Variants in SMCHD1 observed in about 807,000 individuals in gnomAD.
SMCHD1 encodes structural maintenance of chromosomes flexible hinge domain containing 1, also known as structural maintenance of chromosomes flexible hinge domain-containing protein 1.
SMCHD1 carries 78 observed loss-of-function variants against 254.7 expected under a neutral mutation model. The observed-to-expected ratio is 0.31, with a 90% CI of 0.26 to 0.37. The LOEUF is 0.37. Ranked by LOEUF, SMCHD1 falls within the 10% of genes least tolerant of loss-of-function variation. SMCHD1 has a pLI of 1.00. For missense variants in SMCHD1, 1,840 were observed against 2,408.1 expected (o/e 0.76, Z 4.94); for synonymous variants, 766 against 794.9 (o/e 0.96, Z 0.61).
At chr18:2,681,622 A>G (rs1598306294) in intron 5 of SMCHD1, among the ~76,000 whole-genome samples, 1 of 151,442 alleles carries the variant, frequency 6.6e-6, no homozygotes, top group Admixed American at 6.6e-5. Flanking sequence ...ATAACATTAC[A>G]TAAACCTAGA....
rs1378812355 is a variant in SMCHD1, at chr18:2,728,461, C to A, written c.2778C>A (p.His926Gln). ...CATTGTATAATTTACTGTTAGGTCACCCTCGTCGACTGAAAGTGAAACCTG... is the reference window on the plus strand; with the variant it reads ...CATTGTATAATTTACTGTTAGGTCAACCTCGTCGACTGAAAGTGAAACCTG... The part of the protein sequence containing the change: ...QILKIRLLPG[H>Q]PRRLKVKPDS... The change falls in exon 23 of 48, where the codon CAC becomes CAA. Residue 926 changes from histidine to glutamine, a missense_variant. His to Gln is a conservative substitution (Grantham distance 24). Around this residue, in one of 9 missense-constraint regions of SMCHD1, gnomAD observed 881 missense variants for 1,009.5 expected, o/e 0.87. Transcript: ENST00000320876. The A allele has an allele frequency of 1.9e-6, 3 of 1,612,224 alleles. No individual in the cohort carries two copies. The highest frequency in any genetic ancestry group is 2.2e-5 in the South Asian group (2 of 90,850).
chr18:2,708,903 T>TAA (rs1568198856), intron 17 of SMCHD1, among the ~76,000 whole-genome samples: 6 of 49,350 alleles, frequency 1.2e-4, no homozygotes, highest in African/African-American at 3.1e-4. Flanking sequence ...TATATATATA[T>TAA]ATATAACATA....
intron 47 of SMCHD1, among the ~76,000 whole-genome samples, chr18:2,801,977 A>T (rs926137028): frequency 1.1e-4 from 16 of 148,662 alleles, no homozygotes; most frequent in African/African-American, 3.9e-4. Context: ...AAAGATTAAA[A>T]ATTAGTTCTG....
At chr18:2,680,720 C>T (rs910586961) in intron 5 of SMCHD1, among the ~76,000 whole-genome samples, 10 of 152,186 alleles carry the variant, frequency 6.6e-5, no homozygotes, top group African/African-American at 2.2e-4. Context: ...CTGCAGACCT[C>T]GCATTTCCCA....
At chr18:2,699,617 G>C (rs2074356674) in intron 10 of SMCHD1, among the ~76,000 whole-genome samples, 1 of 152,234 alleles carries the variant, frequency 6.6e-6, no homozygotes. Context: ...TAGGATTACA[G>C]GCGTAAGCCC....
chr18:2,746,921 A>G (rs992149297), intron 29 of SMCHD1, among the ~76,000 whole-genome samples: 14 of 152,208 alleles, frequency 9.2e-5, no homozygotes, highest in Non-Finnish European at 1.8e-4. Flanking sequence ...TAGCTGGGGA[A>G]ACAGCAAGAA....
chr18:2,701,086 A>G (rs1012002439), intron 12 of SMCHD1, 168 bp downstream of exon 12: 3 of 476,066 alleles, frequency 6.3e-6, no homozygotes, highest in Non-Finnish European at 1.1e-5. Context: ...ATTTAAAGCT[A>G]ATTTTTTAGT....
intron 15 of SMCHD1, 35 bp downstream of exon 15, chr18:2,706,505 G>T (rs367673609): frequency 7.1e-7 from 1 of 1,399,568 alleles, no homozygotes; most frequent in African/African-American, 1.4e-5. Context: ...ACAAAAATAA[G>T]AAAAATTGGA....
chr18:2,694,739 T>G (rs1376842319), intron 8 of SMCHD1, 46 bp downstream of exon 8: 1 of 1,527,076 alleles, frequency 6.5e-7, no homozygotes, highest in Non-Finnish European at 9.0e-7. Flanking sequence ...CTTAACTTTT[T>G]TAAGGCAGAA....
intron 3 of SMCHD1, chr18:2,673,062 C>T: frequency 3.0e-6 from 3 of 985,288 alleles, no homozygotes; most frequent in Non-Finnish European, 3.6e-6. Context: ...CTGACTCATG[C>T]TGTATAGTGC....
chr18:2,740,308 C>T (rs1199134919), intron 27 of SMCHD1, among the ~76,000 whole-genome samples: 1 of 152,052 alleles, frequency 6.6e-6, no homozygotes, highest in Non-Finnish European at 1.5e-5. Flanking sequence ...GTATATGTGC[C>T]ACATTTTCTT....
At position 2,707,901 on chromosome 18, in the gene SMCHD1, G is replaced by T. The variant is rs1208832768; in HGVS notation, c.2241G>T (p.Glu747Asp). ...SHGGSKKLLV[E>D]LKVILHSSSG... ...GAGGGTCAAAGAAACTCCTGGTTGA[G>T]CTCAAAGTTATTTTACATTGTAAGT... The change falls in exon 17 of 48, where the codon GAG becomes GAT. Residue 747 changes from glutamate to aspartate, a missense_variant. Physicochemically the swap from Glu to Asp is conservative, Grantham distance 45. Around this residue, in one of 9 missense-constraint regions of SMCHD1, gnomAD observed 498 missense variants for 743.5 expected, o/e 0.67. Transcript: ENST00000320876. 4.4e-6 allele frequency: 7 copies of T among 1,597,080 alleles called. No homozygotes were observed. The highest frequency in any genetic ancestry group is 4.3e-6 in the Non-Finnish European group (5 of 1,171,828).
At position 2,738,164 on chromosome 18, in the gene SMCHD1, T is replaced by C. The variant is rs476476; in HGVS notation, c.3277-233T>C. Among the ~76,000 whole-genome samples the C allele has an allele frequency of 0.32, 48,684 of 152,062 alleles. 9,826 individuals are homozygous for C. Among genetic ancestry groups the C allele is most frequent in the Non-Finnish European group, 0.45 (30,573 of 67,932 alleles). ...GTGGCAGAGCTCTAAAGAAATGACT[T>C]AAGAATTTTTATTTTATCTCACTAA... On this transcript the variant is annotated intron_variant, in intron 25 of 47. Transcript: ENST00000320876.
intron 45 of SMCHD1, among the ~76,000 whole-genome samples, chr18:2,790,558 A>G (rs941156717): frequency 3.9e-5 from 6 of 152,130 alleles, no homozygotes; most frequent in South Asian, 2.1e-4. Flanking sequence ...TCAGGAATTC[A>G]AGACCAGCCT....
At chr18:2,695,271 A>G (rs1377581784) in intron 8 of SMCHD1, among the ~76,000 whole-genome samples, 1 of 152,060 alleles carries the variant, frequency 6.6e-6, no homozygotes, top group Non-Finnish European at 1.5e-5. Context: ...CCATTAGACC[A>G]AATCAGAGGA....
At chr18:2,743,728 C>T (rs1373003838) in intron 28 of SMCHD1, 33 bp from the exon 29 acceptor site, 3 of 1,531,200 alleles carry the variant, frequency 2.0e-6, no homozygotes, top group Admixed American at 1.9e-5. Flanking sequence ...AAGTGATACC[C>T]CCTGTCTTTC....
intron 41 of SMCHD1, among the ~76,000 whole-genome samples, chr18:2,774,767 C>T (rs971008271): frequency 1.5e-4 from 23 of 152,130 alleles, no homozygotes; most frequent in African/African-American, 5.6e-4. Context: ...TTTGTGCTAC[C>T]AGATCAAGTA....
At chr18:2,772,406 C>T in intron 41 of SMCHD1, 34 bp downstream of exon 41, 1 of 1,484,400 alleles carries the variant, frequency 6.7e-7, no homozygotes, top group Non-Finnish European at 9.0e-7. Context: ...AAAGGCAGTA[C>T]ATTTTATTAT....
chr18:2,773,988 C>A (rs1391880782), intron 41 of SMCHD1, among the ~76,000 whole-genome samples: 6 of 152,104 alleles, frequency 3.9e-5, no homozygotes, highest in Non-Finnish European at 7.4e-5. Flanking sequence ...GGAGACTTTT[C>A]CCCCAAACTT....
Sources: gnomAD v4.1 joint callset for allele counts (sites outside exome capture counted in the v4.1 genomes callset) on GRCh38, gnomAD v4.1.1 for gene constraint, gnomAD v4.1.1 regional missense constraint, MANE v1.5 for transcripts, NCBI Gene and HGNC (gene_info 2026-07-23, HGNC 2026-07-21) for gene names.